Variants in CAPN2 observed in about 807,000 individuals in gnomAD.
CAPN2 encodes the protein calpain 2.
In CAPN2, 92 loss-of-function variants were observed where a neutral mutation model predicts 102.3. That is an observed-to-expected ratio of 0.90 (90% CI 0.76 to 1.07). The LOEUF is 1.07. CAPN2 is among the 50% of genes least tolerant of loss of function. The pLI, the probability that CAPN2 is intolerant of heterozygous loss-of-function variation, is 0.00. For missense variants in CAPN2, 800 were observed against 909.4 expected (o/e 0.88, Z 1.55); for synonymous variants, 340 against 355.4 (o/e 0.96, Z 0.49).
rs772032841 is a variant in CAPN2, at chr1:223,712,891, G to C, written c.237+14G>C. On this transcript the variant is annotated intron_variant, in intron 1 of 20. Coordinates refer to ENST00000295006, the MANE Select transcript of CAPN2 (RefSeq NM_001748.5). The stretch of plus-strand genomic sequence containing the variant: ...AAGCGCCCCACGGTAGGAAGCGCGC[G>C]GCAGGACGCGGGCAGGGCGGGGTGC... 6.4e-5 allele frequency: 96 copies of C among 1,501,874 alleles called. No individual in the cohort carries two copies. The highest frequency in any genetic ancestry group is 8.3e-5 in the Non-Finnish European group (93 of 1,124,532). 93.0% of individuals were successfully genotyped at this position (1,501,874 alleles called of 1,614,324 possible).
chr1:223,737,721 G>A (rs60436975), intron 2 of CAPN2, among the ~76,000 whole-genome samples: 852 of 69,990 alleles, frequency 0.012, 149 homozygotes, highest in Middle Eastern at 0.032. Context: ...GGGTGGGGGG[G>A]AGAGAATACA....
At chr1:223,760,226 G>A (rs767114093) in intron 12 of CAPN2, among the ~76,000 whole-genome samples, 2 of 152,232 alleles carry the variant, frequency 1.3e-5, no homozygotes, top group Non-Finnish European at 2.9e-5. Context: ...AGCCAAGGAT[G>A]TGTTGGAGGA....
Position 223,771,960 on chromosome 1 carries a change from T to G in CAPN2, c.2020+35T>G, listed in dbSNP as rs374749753. 19 of 1,452,664 alleles carry G rather than the reference T, an allele frequency of 1.3e-5. No homozygotes were observed. In the African/African-American group the frequency reaches 2.5e-4, roughly 19 times the overall value. 90.0% of individuals were successfully genotyped at this position (1,452,664 alleles called of 1,614,324 possible). On this transcript the variant is annotated intron_variant, in intron 19 of 20. Transcript: ENST00000295006. ...TATTTGGGGAATGACTCATTTCAGT[T>G]CTCTTGGTATTAAAGTGGCCTGCCT...
At chr1:223,730,098 G>A (rs193216898) in intron 2 of CAPN2, among the ~76,000 whole-genome samples, 2 of 149,906 alleles carry the variant, frequency 1.3e-5, no homozygotes, top group East Asian at 2.0e-4. Context: ...TAGAGACCAA[G>A]GTTTTTATTA....
At position 223,752,831 on chromosome 1, in the gene CAPN2, G is replaced by C; in HGVS notation, c.1010G>C (p.Arg337Pro). 1 of 1,614,010 alleles carries C rather than the reference G, an allele frequency of 6.2e-7. No homozygotes were observed. The highest frequency in any genetic ancestry group is 8.5e-7 in the Non-Finnish European group (1 of 1,180,016). ...SFSDFLRHYS[R>P]LEICNLTPDT... ...AGTGACTTCCTGAGGCACTATTCCC[G>C]CCTGGAGATCTGTAACCTGACCCCA... Residue 337 changes from arginine (R) to proline (P), a missense_variant, in exon 9 of 21, where the codon CGC (arginine) becomes CCC (proline). Arg to Pro is a moderately radical substitution (Grantham distance 103). Transcript: ENST00000295006.
intron 2 of CAPN2, among the ~76,000 whole-genome samples, chr1:223,733,560 T>G (rs567482712): frequency 6.6e-6 from 1 of 151,922 alleles, no homozygotes; most frequent in African/African-American, 2.4e-5. Context: ...TCTGGGTGGG[T>G]TGGAGTGGAA....
chr1:223,759,395 G>C lies in CAPN2; in HGVS notation c.1443G>C (p.Glu481Asp). The C allele has an allele frequency of 6.2e-7, 1 of 1,614,216 alleles. No individual in the cohort carries two copies. Among genetic ancestry groups the C allele is most frequent in the Non-Finnish European group, 8.5e-7 (1 of 1,180,046 alleles). The stretch of plus-strand genomic sequence containing the variant: ...ACCGCTTCAAGCTGCCGCCAGGAGA[G>C]TACATTCTCGTGCCTTCCACCTTCG... ...VLNRFKLPPG[E>D]YILVPSTFEP... The change falls in exon 12 of 21, where the codon GAG becomes GAC. Residue 481 changes from glutamate to aspartate, a missense_variant. By Grantham distance (45) the Glu-to-Asp change is conservative (BLOSUM62 2). Transcript: ENST00000295006. This position sits in a 1 kb window ranked among gnomAD's most constrained non-coding sequence, Gnocchi z 4.6.
At chr1:223,749,233 C>CA (rs1660826896) in intron 6 of CAPN2, 111 bp downstream of exon 6, 1 of 890,396 alleles carries the variant, frequency 1.1e-6, no homozygotes, top group South Asian at 1.5e-5. Flanking sequence ...GTCCAGTTTA[C>CA]ACTCGGGCCC....
chr1:223,709,661 C>CAAA (rs779362608), upstream of CAPN2, among the ~76,000 whole-genome samples: 25,611 of 137,416 alleles, frequency 0.19, 2,555 homozygotes, highest in African/African-American at 0.28. Context: ...AACTCCATCT[C>CAAA]AAAAAAAAAA....
At chr1:223,770,164 C>A in intron 17 of CAPN2, 1 of 577,326 alleles carries the variant, frequency 1.7e-6, no homozygotes. Flanking sequence ...TCAAGGGTTT[C>A]CTGAAAAGGG....
intron 2 of CAPN2, among the ~76,000 whole-genome samples, chr1:223,738,073 T>G (rs1325912778): frequency 6.6e-6 from 1 of 152,238 alleles, no homozygotes; most frequent in Non-Finnish European, 1.5e-5. Flanking sequence ...CTCTTAGATT[T>G]TTTTCTAGCT....
At chr1:223,766,917 G>A (rs1041054778) in intron 16 of CAPN2, among the ~76,000 whole-genome samples, 10 of 151,402 alleles carry the variant, frequency 6.6e-5, no homozygotes, top group South Asian at 2.1e-4. Flanking sequence ...CTGAGATCGC[G>A]CCACTGCACT....
At chr1:223,745,548 A>T (rs1660733702) in intron 4 of CAPN2, 109 bp downstream of exon 4, 21 of 1,286,634 alleles carry the variant, frequency 1.6e-5, no homozygotes, top group Non-Finnish European at 2.3e-5. Flanking sequence ...AGGTGGGTGG[A>T]TCATTTGAGG....
In CAPN2 at chr1:223,725,649, G is replaced by A. The variant is rs1660172019; in HGVS notation, c.307+7818G>A. Among the ~76,000 whole-genome samples the A allele has an allele frequency of 6.6e-6, 1 of 152,204 alleles. No individual in the cohort carries two copies. The highest frequency in any genetic ancestry group is 6.5e-5 in the Admixed American group (1 of 15,286). On this transcript the variant is annotated intron_variant, in intron 2 of 20. Transcript: ENST00000295006. The surrounding 1 kb of genome is among the most constrained non-coding windows in gnomAD (Gnocchi z 4.1). ...CATTGGCGGCCACCTAAGTTTTGGA[G>A]AGGGGTATGACAGAGGAGGTGGTGT...
At chr1:223,707,383 T>C (rs1199824591) in intron 1 of CAPN2, among the ~76,000 whole-genome samples, 1 of 152,202 alleles carries the variant, frequency 6.6e-6, no homozygotes, top group Non-Finnish European at 1.5e-5. Context: ...TCCTCAGGGC[T>C]GGCTGACTCA....
intron 14 of CAPN2, among the ~76,000 whole-genome samples, 163 bp downstream of exon 14, chr1:223,762,414 T>C (rs1038269672): frequency 1.3e-5 from 2 of 152,226 alleles, no homozygotes; most frequent in Non-Finnish European, 2.9e-5. Flanking sequence ...CCCTCTTGCG[T>C]GTGTCCTCCC....
chr1:223,707,079 CA>C (rs34249886), intron 1 of CAPN2, among the ~76,000 whole-genome samples: 16,619 of 80,936 alleles, frequency 0.21, 923 homozygotes, highest in Middle Eastern at 0.25. Flanking sequence ...GACTCCACCT[CA>C]AAAAAAAAAA....
chr1:223,726,760 C>A lies in CAPN2; in HGVS notation c.307+8929C>A, dbSNP rs1660204665. 6.6e-6 allele frequency among the ~76,000 whole-genome samples: 1 copy of A among 152,178 alleles called. No homozygotes were observed. The highest frequency in any genetic ancestry group is 2.1e-4 in the South Asian group (1 of 4,818). On this transcript the variant is annotated intron_variant, in intron 2 of 20. Transcript: ENST00000295006. The surrounding 1 kb of genome is among the most constrained non-coding windows in gnomAD (Gnocchi z 4.4). ...GAGTAAAATGGAGGATCTGCCCCCT[C>A]CCCTCCCAGCCCCTGATACAAATGA... is the stretch of plus-strand genomic sequence containing the variant.
At chr1:223,730,029 A>G (rs1660296871) in intron 2 of CAPN2, among the ~76,000 whole-genome samples, 1 of 148,006 alleles carries the variant, frequency 6.8e-6, no homozygotes, top group Non-Finnish European at 1.5e-5. Flanking sequence ...AAAAAAAAAA[A>G]AAAAAACGAA....
Sources: gnomAD v4.1 joint callset for allele counts (sites outside exome capture counted in the v4.1 genomes callset) on GRCh38, gnomAD v4.1.1 for gene constraint, Gnocchi (gnomAD v3.1) non-coding constraint, MANE v1.5 for transcripts, NCBI Gene and HGNC (gene_info 2026-07-23, HGNC 2026-07-21) for gene names.